Variants in TMEM92 observed in about 807,000 individuals in gnomAD.
The protein encoded by TMEM92 is transmembrane protein 92.
Under a neutral mutation model 14.6 loss-of-function variants are expected in TMEM92, and 15 were observed. The ratio of observed to expected loss-of-function variants is 1.03; its 90% confidence interval spans 0.69 to 1.58. The LOEUF (loss-of-function observed/expected upper bound fraction) is 1.58, where lower values mean the gene tolerates loss of function less well. Among genes scored for constraint, TMEM92 ranks in the 40% most tolerant of loss-of-function variants. The pLI is 0.00. For missense variants in TMEM92, 174 were observed against 202.4 expected (o/e 0.86, Z 0.85); for synonymous variants, 85 against 83.3 (o/e 1.02, Z -0.11).
At chr17:50,275,795 G>C (rs1567787598) in intron 1 of TMEM92, among the ~76,000 whole-genome samples, 1 of 152,068 alleles carries the variant, frequency 6.6e-6, no homozygotes, top group Non-Finnish European at 1.5e-5. Flanking sequence ...TGCCTGGATG[G>C]ACCCCTCGAT....
intron 1 of TMEM92, among the ~76,000 whole-genome samples, chr17:50,276,452 A>G (rs1910435680): frequency 6.6e-6 from 1 of 152,234 alleles, no homozygotes; most frequent in African/African-American, 2.4e-5. Flanking sequence ...GAATTACCCC[A>G]ACTCTTATTG....
intron 1 of TMEM92, 196 bp downstream of exon 1, chr17:50,274,766 T>A: frequency 1.7e-6 from 1 of 595,446 alleles, no homozygotes; most frequent in Non-Finnish European, 2.9e-6. Context: ...GGCTGGGTTC[T>A]CCCACCTCTG....
At chr17:50,278,462 A>G (rs1363486156) in intron 2 of TMEM92, 94 bp from the exon 3 acceptor site, 2 of 1,409,844 alleles carry the variant, frequency 1.4e-6, no homozygotes, top group Admixed American at 3.5e-5. Context: ...TGCCATGAGC[A>G]TCTTGGGTGT....
chr17:50,277,879 A>C, intron 2 of TMEM92, 139 bp downstream of exon 2: 1 of 1,112,780 alleles, frequency 9.0e-7, no homozygotes, highest in Non-Finnish European at 1.3e-6. Context: ...CTGTCCCCCC[A>C]CTTTCCCAGC....
At chr17:50,273,277 C>A (rs1243745541), upstream of TMEM92, among the ~76,000 whole-genome samples, 2 of 152,170 alleles carry the variant, frequency 1.3e-5, no homozygotes, top group Non-Finnish European at 2.9e-5. Context: ...CAAGCCCCGG[C>A]CGCGCCCCTC....
intron 1 of TMEM92, 140 bp downstream of exon 1, chr17:50,274,710 T>C: frequency 2.5e-6 from 2 of 798,210 alleles, no homozygotes; most frequent in Non-Finnish European, 3.9e-6. Context: ...CTTTCTCTCT[T>C]TGCTGTGGAG....
chr17:50,274,759 T>G, intron 1 of TMEM92, 189 bp downstream of exon 1: 1 of 609,758 alleles, frequency 1.6e-6, no homozygotes, highest in African/African-American at 1.9e-5. Flanking sequence ...TGGGAGAGGC[T>G]GGGTTCTCCC....
intron 1 of TMEM92, among the ~76,000 whole-genome samples, chr17:50,277,431 G>A (rs1394830173): frequency 6.6e-6 from 1 of 152,056 alleles, no homozygotes; most frequent in African/African-American, 2.4e-5. Context: ...TGTCACGGTG[G>A]AAGCCAGGTT....
chr17:50,275,533 G>A (rs745369138), intron 1 of TMEM92, among the ~76,000 whole-genome samples: 68 of 152,124 alleles, frequency 4.5e-4, no homozygotes, highest in Non-Finnish European at 8.8e-4. Flanking sequence ...AGTTAAGTAA[G>A]CTGAGATTTA....
chr17:50,277,222 G>A (rs1881143), intron 1 of TMEM92, among the ~76,000 whole-genome samples: 72,057 of 151,890 alleles, frequency 0.47, 17,663 homozygotes, highest in Middle Eastern at 0.55. Context: ...GAGAGGAAGA[G>A]AAAGAACTAG....
At chr17:50,274,417 G>C (rs1352930090), upstream of TMEM92, 1 of 1,456,128 alleles carries the variant, frequency 6.9e-7, no homozygotes, top group Non-Finnish European at 9.5e-7. Flanking sequence ...CCATCCCGAG[G>C]CGGGGCCCCA....
upstream of TMEM92, among the ~76,000 whole-genome samples, chr17:50,272,527 C>T (rs1303975739): frequency 6.6e-6 from 1 of 152,116 alleles, no homozygotes; most frequent in Non-Finnish European, 1.5e-5. Context: ...ACTCTCAGGA[C>T]GAGGTCCCCC....
chr17:50,275,430 G>A (rs1024768085), intron 1 of TMEM92, among the ~76,000 whole-genome samples: 3 of 152,020 alleles, frequency 2.0e-5, no homozygotes, highest in African/African-American at 7.3e-5. Context: ...ATCACTGGGC[G>A]GTCAGTTTGT....
Position 50,279,225 on chromosome 17 carries a change from C to G in TMEM92, c.397C>G (p.Pro133Ala). 6.2e-7 allele frequency: 1 copy of G among 1,614,018 alleles called. No homozygotes were observed. The highest frequency in any genetic ancestry group is 8.5e-7 in the Non-Finnish European group (1 of 1,179,950). The part of the protein sequence containing the change: ...VILKPSLGPT[P>A]TEPPPPYSFR... Reference sequence around the variant, plus strand: ...TCTGAAGCCCAGCCTGGGCCCAACTCCCACAGAGCCACCCCCTCCCTACAG... The same window carrying G: ...TCTGAAGCCCAGCCTGGGCCCAACTGCCACAGAGCCACCCCCTCCCTACAG... The change falls in exon 5 of 5, where the codon CCC becomes GCC. Residue 133 changes from proline to alanine, a missense_variant. Pro to Ala is a conservative substitution (Grantham distance 27). Transcript: ENST00000507382.
rs1910362920 is a variant in TMEM92 at position 50,274,552 on chromosome 17, G to C, written c.51G>C (p.Leu17=). ...TCGCGCCCACCTTGCTGTTCAGCCT[G>C]CTGGCTGGCCCCCAAAAGGTGAGAC... ...PGLAPTLLFS[L]LAGPQKIAAK... The change falls in exon 1 of 5, where the codon CTG becomes CTC. Residue 17 remains leucine (L), a synonymous_variant. Transcript: ENST00000507382. The C allele has an allele frequency of 6.2e-7, 1 of 1,613,828 alleles. No homozygotes were observed. The highest frequency in any genetic ancestry group is 2.2e-5 in the East Asian group (1 of 44,850).
At chr17:50,272,336 C>T (rs577627334), upstream of TMEM92, among the ~76,000 whole-genome samples, 76 of 152,174 alleles carry the variant, frequency 5.0e-4, no homozygotes, top group Non-Finnish European at 9.4e-4. Context: ...CTAAGCTCAA[C>T]CATTTTCCCA....
In TMEM92 at chr17:50,277,739, C is replaced by A; in HGVS notation, c.94C>A (p.Leu32Ile). 1 of 1,614,046 alleles carries A rather than the reference C, an allele frequency of 6.2e-7. No individual in the cohort carries two copies. The highest frequency in any genetic ancestry group is 8.5e-7 in the Non-Finnish European group (1 of 1,179,956). The change falls in exon 2 of 5, where the codon CTT becomes ATT. Residue 32 changes from leucine to isoleucine, a missense_variant and splice_region_variant. Transcript: ENST00000507382. The part of the protein sequence containing the change: ...QKIAAKCGLI[L>I]ACPKGFKCCG... ...GATTGCAGCCAAATGTGGTCTCATC[C>A]TGTAAGTCTAGAGGCCATAACTTCC...
intron 4 of TMEM92, 70 bp from the exon 5 acceptor site, chr17:50,279,125 C>T: frequency 3.0e-5 from 46 of 1,532,646 alleles, no homozygotes; most frequent in Non-Finnish European, 4.0e-5. Flanking sequence ...GTAACCATGC[C>T]TCAGCTGGGA....
intron 1 of TMEM92, among the ~76,000 whole-genome samples, chr17:50,277,069 AG>A (rs1910452202): frequency 6.6e-6 from 1 of 152,096 alleles, no homozygotes; most frequent in South Asian, 2.1e-4. Flanking sequence ...GGTACAGAAG[AG>A]GGGGAAGCTG....
Sources: gnomAD v4.1 joint callset for allele counts (sites outside exome capture counted in the v4.1 genomes callset) on GRCh38, gnomAD v4.1.1 for gene constraint, MANE v1.5 for transcripts, NCBI Gene and HGNC (gene_info 2026-07-23, HGNC 2026-07-21) for gene names.